The following BICRA variants were observed in gnomAD, a reference collection of about 807,000 sequenced individuals.
The protein encoded by BICRA is BRD4 interacting chromatin remodeling complex associated protein, also known as BRD4-interacting chromatin-remodeling complex-associated protein.
A neutral mutation model predicts 96.9 loss-of-function variants in BICRA; 31 were observed. The observed-to-expected ratio is 0.32, with a 90% CI of 0.24 to 0.43. The LOEUF (loss-of-function observed/expected upper bound fraction) is 0.43. BICRA is among the 20% of genes least tolerant of loss of function. The pLI, the probability that BICRA is intolerant of heterozygous loss-of-function variation, is 1.00. For synonymous variants in BICRA, 1,350 were observed against 1,071.8 expected, an observed-to-expected ratio of 1.26 and a Z score of -5.07; for missense variants, 2,283 against 2,190.3, an observed-to-expected ratio of 1.04 and a Z score of -0.84.
intron 8 of BICRA, 44 bp downstream of exon 8, chr19:47,694,770 T>G: frequency 1.6e-6 from 1 of 619,860 alleles, no homozygotes; most frequent in Non-Finnish European, 2.6e-6. Context: ...CCCCATCCCA[T>G]CCCACCCTCT....
Position 47,642,601 on chromosome 19 carries a change from C to G in BICRA, c.-107-27842C>G, listed in dbSNP as rs929545231. On this transcript the variant is annotated intron_variant, in intron 1 of 14. Coordinates refer to ENST00000594866, the MANE Select transcript of BICRA (RefSeq NM_001394372.1). Reference sequence around the variant, plus strand: ...CCTGTAGTCCCAGCTACTCGGGAAGCTGAGGCAGGAGGACCTCTTGAGCCC... The same window carrying G: ...CCTGTAGTCCCAGCTACTCGGGAAGGTGAGGCAGGAGGACCTCTTGAGCCC... 3.3e-5 allele frequency among the ~76,000 whole-genome samples: 5 copies of G among 152,222 alleles called. No individual in the cohort carries two copies. The South Asian group carries it at 1.0e-3, about 32-fold the overall frequency.
intron 1 of BICRA, among the ~76,000 whole-genome samples, chr19:47,665,771 T>A (rs1272819640): frequency 2.0e-5 from 3 of 152,236 alleles, no homozygotes; most frequent in African/African-American, 7.2e-5. Flanking sequence ...CCAAAACTGC[T>A]GTTTTCCATT....
At position 47,680,296 on chromosome 19, in the gene BICRA, G is replaced by C; in HGVS notation, c.1126G>C (p.Ala376Pro). 2.6e-6 allele frequency: 4 copies of C among 1,554,724 alleles called. No individual in the cohort carries two copies. Among genetic ancestry groups the C allele is most frequent in the South Asian group, 1.2e-5 (1 of 85,458 alleles). The change falls in exon 6 of 15, where the codon GCC (alanine) becomes CCC (proline). Residue 376 changes from alanine (A) to proline (P), a missense_variant. Coordinates refer to ENST00000594866, the MANE Select transcript of BICRA (RefSeq NM_001394372.1). ...LTPKPFAPAG[A>P]TLTIQGEPGA... is the part of the protein sequence containing the mutation. ...GCCCAAGCCGTTTGCGCCCGCGGGC[G>C]CCACGCTCACCATCCAGGGCGAGCC...
intron 1 of BICRA, among the ~76,000 whole-genome samples, chr19:47,629,261 C>T (rs1972184781): frequency 6.6e-6 from 1 of 152,146 alleles, no homozygotes; most frequent in Non-Finnish European, 1.5e-5. Context: ...CCTCGGCCTC[C>T]CAAAGTGCTG....
chr19:47,686,626 T>C (rs1368256143), intron 7 of BICRA, among the ~76,000 whole-genome samples: 143 of 152,042 alleles, frequency 9.4e-4, no homozygotes, highest in Non-Finnish European at 1.5e-3. Context: ...TCAGGTGATC[T>C]GCCCACCTTG....
intron 1 of BICRA, among the ~76,000 whole-genome samples, chr19:47,646,299 A>G (rs1972458180): frequency 6.6e-6 from 1 of 152,114 alleles, no homozygotes; most frequent in South Asian, 2.1e-4. Context: ...GGGAGCAGAG[A>G]TGGGTCCCTG....
At chr19:47,654,792 A>G (rs1186988219) in intron 1 of BICRA, among the ~76,000 whole-genome samples, 6 of 13,586 alleles carry the variant, frequency 4.4e-4, no homozygotes, top group East Asian at 3.9e-3. Context: ...ATCTCTATGA[A>G]AAAAAAAAAA....
At chr19:47,667,250 T>C (rs570112335) in intron 1 of BICRA, among the ~76,000 whole-genome samples, 86 of 152,184 alleles carry the variant, frequency 5.7e-4, no homozygotes, top group African/African-American at 1.6e-3. Flanking sequence ...CTCCTGACCT[T>C]GTGATCCGCC....
In BICRA at chr19:47,701,357, G is replaced by A. The variant is rs1020009159; in HGVS notation, c.3625G>A (p.Gly1209Ser). ...DEYVSSSRSL[G>S]LPIAASSEGH... is the part of the protein sequence containing the mutation. ...GTACGTGTCTTCCTCCCGCTCGCTC[G>A]GCCTCCCCATCGCAGCCTCTTCCGA... is the stretch of plus-strand genomic sequence containing the variant. The change falls in exon 15 of 15, where the codon GGC becomes AGC. Residue 1209 changes from glycine (G) to serine (S), a missense_variant. Transcript: ENST00000594866. This position sits in a 1 kb window ranked among gnomAD's most constrained non-coding sequence, Gnocchi z 5.4. 7.4e-6 allele frequency: 12 copies of A among 1,611,330 alleles called. No homozygotes were observed. The highest frequency in any genetic ancestry group is 1.0e-5 in the Non-Finnish European group (12 of 1,179,478).
At chr19:47,672,075 G>GGGTA (rs1568565588) in intron 2 of BICRA, among the ~76,000 whole-genome samples, 48 of 143,738 alleles carry the variant, frequency 3.3e-4, no homozygotes, top group Admixed American at 1.0e-3. Context: ...AGGGATGGGT[G>GGGTA]GATGGATGGA....
intron 1 of BICRA, among the ~76,000 whole-genome samples, chr19:47,667,440 T>G (rs1168920207): frequency 6.6e-6 from 1 of 152,168 alleles, no homozygotes; most frequent in Non-Finnish European, 1.5e-5. Flanking sequence ...TCACGGGAGC[T>G]GCATCCCCTC....
In BICRA at chr19:47,701,416, G is replaced by A. The variant is rs544856814; in HGVS notation, c.3684G>A (p.Ser1228=). 3.2e-5 allele frequency: 51 copies of A among 1,594,594 alleles called. No individual in the cohort carries two copies. Among genetic ancestry groups the A allele is most frequent in the South Asian group, 2.8e-4 (25 of 88,608 alleles). ...GGCTTCCCGGCCACGGCCCCCTGTC[G>A]TCTTCAGCTCCCGGGGCCTCCACCC... The part of the protein sequence containing the change: ...GHRLPGHGPL[S]SSAPGASTQP... Residue 1228 remains serine, a synonymous_variant, in exon 15 of 15, where the codon TCG becomes TCA. Transcript: ENST00000594866. This position sits in a 1 kb window ranked among gnomAD's most constrained non-coding sequence, Gnocchi z 5.4.
At chr19:47,688,420 T>A (rs999253656) in intron 7 of BICRA, among the ~76,000 whole-genome samples, 6 of 152,160 alleles carry the variant, frequency 3.9e-5, no homozygotes, top group Non-Finnish European at 5.9e-5. Flanking sequence ...ATTTAGAGAA[T>A]GTAGAAAATA....
chr19:47,634,756 ATTTTTTTT>A (rs57492096), intron 1 of BICRA, among the ~76,000 whole-genome samples: 1 of 120,296 alleles, frequency 8.3e-6, no homozygotes, highest in Non-Finnish European at 1.7e-5. Flanking sequence ...TTAAAATTAA[ATTTTTTTT>A]TTTTTTTTTT....
chr19:47,694,590 C>A lies in BICRA; in HGVS notation c.2759C>A (p.Pro920His), dbSNP rs758979288. The change falls in exon 8 of 15, where the codon CCC (proline) becomes CAC (histidine). Residue 920 changes from proline to histidine, a missense_variant. By Grantham distance (77) the Pro-to-His change is moderately conservative. Coordinates refer to ENST00000594866, the MANE Select transcript of BICRA (RefSeq NM_001394372.1). ...CCCAGCCAGGGGCCCCACAAGTCCC[C>A]CACTCCCCCTCCAACCCTCCACCTG... ...FPPSQGPHKS[P>H]TPPPTLHLVP... 6.3e-7 allele frequency: 1 copy of A among 1,586,990 alleles called. No homozygotes were observed. The highest frequency in any genetic ancestry group is 8.6e-7 in the Non-Finnish European group (1 of 1,156,430).
intron 1 of BICRA, among the ~76,000 whole-genome samples, chr19:47,656,482 A>G (rs894751913): frequency 1.3e-5 from 2 of 152,178 alleles, no homozygotes; most frequent in African/African-American, 4.8e-5. Context: ...CTAACTTTGT[A>G]TTTCCCCCAG....
Position 47,702,535 on chromosome 19 carries a change from GTTATT to G in BICRA, c.*122_*126del. 8.3e-7 allele frequency: 1 copy of G among 1,204,704 alleles called. No individual in the cohort carries two copies. Among genetic ancestry groups the G allele is most frequent in the Non-Finnish European group, 1.1e-6 (1 of 918,526 alleles). 74.6% of individuals were successfully genotyped at this position (1,204,704 alleles called of 1,614,324 possible). On this transcript the variant is annotated 3_prime_UTR_variant, in exon 15 of 15. Transcript: ENST00000594866. ...TCCCCTGACGGTTTTTCTTGCCTAAGTTATTTGAGTCACAAAGGCCTCCTTCCCTG... is the reference window on the plus strand; with the variant it reads ...TCCCCTGACGGTTTTTCTTGCCTAAGTGAGTCACAAAGGCCTCCTTCCCTG...
chr19:47,697,801 C>T (rs1466911309), intron 11 of BICRA, among the ~76,000 whole-genome samples: 1 of 152,110 alleles, frequency 6.6e-6, no homozygotes, highest in African/African-American at 2.4e-5. Flanking sequence ...AACTCCTAGT[C>T]TCAAGTGATC....
intron 9 of BICRA, 110 bp from the exon 10 acceptor site, chr19:47,695,255 C>A: frequency 2.6e-6 from 2 of 769,800 alleles, no homozygotes; most frequent in Non-Finnish European, 4.3e-6. Flanking sequence ...ATTTGAAGGG[C>A]CGGAGGGCCA....
Sources: gnomAD v4.1 joint callset for allele counts (sites outside exome capture counted in the v4.1 genomes callset) on GRCh38, gnomAD v4.1.1 for gene constraint, Gnocchi (gnomAD v3.1) non-coding constraint, MANE v1.5 for transcripts, NCBI Gene and HGNC (gene_info 2026-07-23, HGNC 2026-07-21) for gene names.